FAM135A: variants seen among roughly 807,000 people sequenced by gnomAD.
FAM135A encodes the protein family with sequence similarity 135 member A, also known as protein FAM135A.
Under a neutral mutation model 146.8 loss-of-function variants are expected in FAM135A, and 79 were observed. That is an observed-to-expected ratio of 0.54 (90% CI 0.45 to 0.65). The LOEUF (loss-of-function observed/expected upper bound fraction) is 0.65, where lower values mean the gene tolerates loss of function less well. Among genes scored for constraint, FAM135A ranks in the 30% least tolerant of loss-of-function variants. The pLI is 0.00. For missense variants in FAM135A, 1,623 were observed against 1,758.2 expected (o/e 0.92, Z 1.38); for synonymous variants, 562 against 603.6 (o/e 0.93, Z 1.01).
chr6:70,448,265 C>G (rs939254900), intron 4 of FAM135A, among the ~76,000 whole-genome samples: 1 of 152,142 alleles, frequency 6.6e-6, no homozygotes, highest in Admixed American at 6.5e-5. Context: ...GAACCTCTCC[C>G]TCCTTTGCCG....
At chr6:70,478,899 GTGAA>G (rs1783156263) in intron 8 of FAM135A, among the ~76,000 whole-genome samples, 1 of 152,072 alleles carries the variant, frequency 6.6e-6, no homozygotes, top group Non-Finnish European at 1.5e-5. Flanking sequence ...AATAGAATGT[GTGAA>G]TGAAACTTTT....
chr6:70,502,906 C>T lies in FAM135A; in HGVS notation c.1029+115C>T, dbSNP rs1582599266. On this transcript the variant is annotated intron_variant, in intron 12 of 21. Coordinates refer to ENST00000418814, the MANE Select transcript of FAM135A (RefSeq NM_001162529.3). ...ATATATTGATAAATCAGAAAAGAGACATTTGTCATATTGTTATTGTTTGAC... is the reference window on the plus strand; with the variant it reads ...ATATATTGATAAATCAGAAAAGAGATATTTGTCATATTGTTATTGTTTGAC... 9.3e-6 allele frequency: 10 copies of T among 1,072,192 alleles called. No homozygotes were observed. The East Asian group carries it at 2.3e-4, about 24-fold the overall frequency. 66.4% of individuals were successfully genotyped at this position (1,072,192 alleles called of 1,614,324 possible).
At chr6:70,486,223 A>G (rs200570801) in intron 10 of FAM135A, 193 of 1,613,710 alleles carry the variant, frequency 1.2e-4, no homozygotes, top group Non-Finnish European at 1.5e-4. Flanking sequence ...ACAGCTACGA[A>G]CACAGAAAGA....
chr6:70,455,430 ATG>A (rs1243365358), intron 5 of FAM135A, among the ~76,000 whole-genome samples: 3 of 151,702 alleles, frequency 2.0e-5, no homozygotes, highest in Non-Finnish European at 2.9e-5. Flanking sequence ...ATACATGTGT[ATG>A]TGTGTGTATA....
At chr6:70,428,997 A>G (rs1010297580) in intron 4 of FAM135A, among the ~76,000 whole-genome samples, 2 of 152,184 alleles carry the variant, frequency 1.3e-5, no homozygotes, top group Non-Finnish European at 2.9e-5. Flanking sequence ...TTTGGCTAAG[A>G]TCAATAAGTA....
intron 5 of FAM135A, among the ~76,000 whole-genome samples, chr6:70,459,382 A>G (rs1027408999): frequency 7.2e-5 from 11 of 152,222 alleles, no homozygotes; most frequent in Non-Finnish European, 1.6e-4. Flanking sequence ...ATACATTTAC[A>G]TTATTTCCAG....
At chr6:70,413,925 C>G in intron 1 of FAM135A, 1 of 985,398 alleles carries the variant, frequency 1.0e-6, no homozygotes, top group Non-Finnish European at 1.2e-6. Flanking sequence ...GGCGAGGGGC[C>G]GCGGCGCGCT....
intron 8 of FAM135A, among the ~76,000 whole-genome samples, chr6:70,478,752 T>C (rs1251567554): frequency 6.6e-6 from 1 of 152,142 alleles, no homozygotes; most frequent in Admixed American, 6.6e-5. Flanking sequence ...AACTGGTAGT[T>C]TTGCTGTCTT....
At chr6:70,533,576 C>A (rs910926560) in intron 17 of FAM135A, among the ~76,000 whole-genome samples, 181 bp from the exon 18 acceptor site, 1 of 151,796 alleles carries the variant, frequency 6.6e-6, no homozygotes, top group Non-Finnish European at 1.5e-5. Context: ...CCTTTTTTTC[C>A]CCTAGAAATT....
intron 4 of FAM135A, among the ~76,000 whole-genome samples, chr6:70,429,571 T>C (rs1771010796): frequency 6.6e-6 from 1 of 152,062 alleles, no homozygotes; most frequent in African/African-American, 2.4e-5. Flanking sequence ...ATTGGATATT[T>C]TCTAGGAGAA....
Position 70,428,304 on chromosome 6 carries a change from G to T in FAM135A, c.-39G>T. 7.1e-7 allele frequency: 1 copy of T among 1,406,270 alleles called. No individual in the cohort carries two copies. Among genetic ancestry groups the T allele is most frequent in the Non-Finnish European group, 9.7e-7 (1 of 1,035,420 alleles). The allele number at this position is 1,406,270 out of a possible 1,614,324, so 87.1% of individuals were successfully genotyped here. ...GATTTTTTCCCTTTCCTTAACAAAG[G>T]TGCTGTTATCAGAATAGTCTTCTGG... On this transcript the variant is annotated splice_region_variant and 5_prime_UTR_variant, in exon 4 of 22. Coordinates refer to ENST00000418814, the MANE Select transcript of FAM135A (RefSeq NM_001162529.3).
At chr6:70,522,479 C>T (rs751070799) in intron 12 of FAM135A, 34 bp from the exon 13 acceptor site, 4 of 1,587,024 alleles carry the variant, frequency 2.5e-6, no homozygotes, top group African/African-American at 2.7e-5. Context: ...TTAAATACGT[C>T]ATGTTATTAA....
At chr6:70,457,590 GAAA>G (rs1397534160) in intron 5 of FAM135A, among the ~76,000 whole-genome samples, 1 of 151,790 alleles carries the variant, frequency 6.6e-6, no homozygotes. Context: ...TCTTTTGAGA[GAAA>G]AAAAATTCTA....
At chr6:70,514,872 G>A (rs1791848513) in intron 12 of FAM135A, among the ~76,000 whole-genome samples, 1 of 152,104 alleles carries the variant, frequency 6.6e-6, no homozygotes, top group Admixed American at 6.5e-5. Flanking sequence ...CAGATGGTGG[G>A]GAGGGAATGT....
intron 5 of FAM135A, among the ~76,000 whole-genome samples, chr6:70,453,699 A>C (rs1777637089): frequency 6.6e-6 from 1 of 152,148 alleles, no homozygotes; most frequent in African/African-American, 2.4e-5. Flanking sequence ...TTTGCTGAGA[A>C]TGATGGTTTC....
intron 4 of FAM135A, among the ~76,000 whole-genome samples, chr6:70,441,278 C>T (rs930149020): frequency 1.3e-5 from 2 of 152,092 alleles, no homozygotes; most frequent in Admixed American, 6.5e-5. Context: ...ATCCCAGCTA[C>T]TCAGGAGGCT....
At chr6:70,433,397 A>G (rs369484580) in intron 4 of FAM135A, among the ~76,000 whole-genome samples, 2 of 152,162 alleles carry the variant, frequency 1.3e-5, no homozygotes, top group East Asian at 3.8e-4. Flanking sequence ...TTAACATGAA[A>G]GGAGGCACTG....
At chr6:70,446,522 A>G (rs893515888) in intron 4 of FAM135A, among the ~76,000 whole-genome samples, 1 of 152,208 alleles carries the variant, frequency 6.6e-6, no homozygotes, top group Non-Finnish European at 1.5e-5. Context: ...CAATCTTTCT[A>G]AACAAGTAAG....
At chr6:70,502,121 G>A (rs1788694994) in intron 11 of FAM135A, among the ~76,000 whole-genome samples, 2 of 152,188 alleles carry the variant, frequency 1.3e-5, no homozygotes, top group South Asian at 4.1e-4. Flanking sequence ...TTACTCACAA[G>A]TGAAGTAGAA....
Sources: gnomAD v4.1 joint callset for allele counts (sites outside exome capture counted in the v4.1 genomes callset) on GRCh38, gnomAD v4.1.1 for gene constraint, MANE v1.5 for transcripts, NCBI Gene and HGNC (gene_info 2026-07-23, HGNC 2026-07-21) for gene names.